MAN2C1: variants seen among roughly 807,000 people sequenced by gnomAD.
MAN2C1 encodes the protein mannosidase alpha class 2C member 1, also known as alpha-mannosidase 2C1.
Under a neutral mutation model 126.9 loss-of-function variants are expected in MAN2C1, and 111 were observed. The ratio of observed to expected loss-of-function variants is 0.87; its 90% CI spans 0.75 to 1.02. The LOEUF is 1.02. MAN2C1 is among the 50% of genes least tolerant of loss of function. MAN2C1 has a pLI of 0.00. For synonymous variants in MAN2C1, 567 were observed against 561.5 expected (o/e 1.01, Z -0.14); for missense variants, 1,363 against 1,364.4 (o/e 1.00, Z 0.02).
Position 75,356,306 on chromosome 15 carries a change from T to C in MAN2C1, c.2881A>G (p.Lys961Glu), listed in dbSNP as rs894930551. Residue 961 changes from lysine (K) to glutamate (E), a missense_variant, in exon 24 of 26, where the codon AAG becomes GAG. Lys to Glu is a moderately conservative substitution (Grantham distance 56, BLOSUM62 1). Transcript: ENST00000267978. This position sits in a 1 kb window ranked among gnomAD's most constrained non-coding sequence, Gnocchi z 5.8. ...CAGCACGTCCCACCCCTTGCCTGCT[T>C]GACGGTCTCCAATACGACCGCGGGT... ...SSPAVVLETV[K>E]QAESSPQRRS... 6.2e-7 allele frequency: 1 copy of C among 1,610,858 alleles called. No individual in the cohort carries two copies.
intron 4 of MAN2C1, 112 bp from the exon 5 acceptor site, chr15:75,364,777 G>A: frequency 3.3e-6 from 3 of 917,690 alleles, no homozygotes; most frequent in Non-Finnish European, 4.7e-6. Flanking sequence ...CTGCTTCCAG[G>A]ATCCACTACC....
At chr15:75,360,863 A>G in intron 12 of MAN2C1, 175 bp from the exon 13 acceptor site, 1 of 1,136,888 alleles carries the variant, frequency 8.8e-7, no homozygotes, top group Non-Finnish European at 1.2e-6. Context: ...GATGGGCTGG[A>G]GCCCTTACCA....
chr15:75,358,669 ACCT>A (rs1482248966), intron 19 of MAN2C1, 32 bp downstream of exon 19: 1 of 1,289,798 alleles, frequency 7.8e-7, no homozygotes, highest in South Asian at 1.2e-5. Context: ...TGTTCCCACC[ACCT>A]CCACCATCCC....
In MAN2C1 at chr15:75,355,940, G is replaced by T. The variant is rs1006270685; in HGVS notation, c.3089C>A (p.Ser1030Tyr). The change falls in exon 26 of 26, where the codon TCC becomes TAC. Residue 1030 changes from serine (S) to tyrosine (Y), a missense_variant. By Grantham distance (144) the Ser-to-Tyr change is moderately radical. Transcript: ENST00000267978. Reference protein sequence around the residue: ...KLTFSPFQVLSLLLVLQPPPH With the variant: ...KLTFSPFQVLYLLLVLQPPPH ...CGGAGGCTGAAGCACGAGCAACAGG[G>T]ACAGCACTTGGAAGGGAGAAAAGGT... 12 of 1,614,222 alleles carry T rather than the reference G, an allele frequency of 7.4e-6. 1 individual carries two copies. Among genetic ancestry groups the T allele is most frequent in the Non-Finnish European group, 1.0e-5 (12 of 1,180,036 alleles).
chr15:75,367,875 G>A lies in MAN2C1; in HGVS notation c.227+198C>T, dbSNP rs941999431. 8 of 902,876 alleles carry A rather than the reference G, an allele frequency of 8.9e-6. No individual in the cohort carries two copies. In the Admixed American group the frequency reaches 1.8e-4, roughly 20 times the overall value. The allele number at this position is 902,876 out of a possible 1,614,324, so 55.9% of individuals were successfully genotyped here. On this transcript the variant is annotated intron_variant, in intron 2 of 25. Transcript: ENST00000267978. Reference sequence around the variant, plus strand: ...CTAAGGGATGTCCAGAGGCGGCCACGTGGGAATGAAAACCATCCCCTGAAG... The same window carrying A: ...CTAAGGGATGTCCAGAGGCGGCCACATGGGAATGAAAACCATCCCCTGAAG...
Position 75,362,571 on chromosome 15 carries a change from A to G in MAN2C1, c.897+71T>C. ...AGCAGCCCTGACCCCAGGCCTGGGAAGCCTTCAGGGCCTGTGGAGCTCCAG... is the reference window on the plus strand; with the variant it reads ...AGCAGCCCTGACCCCAGGCCTGGGAGGCCTTCAGGGCCTGTGGAGCTCCAG... On this transcript the variant is annotated intron_variant, in intron 7 of 25. Transcript: ENST00000267978. This position sits in a 1 kb window ranked among gnomAD's most constrained non-coding sequence, Gnocchi z 4.5. 6.5e-7 allele frequency: 1 copy of G among 1,549,090 alleles called. No homozygotes were observed. Among genetic ancestry groups the G allele is most frequent in the Non-Finnish European group, 8.9e-7 (1 of 1,127,870 alleles).
rs758289208 is a variant in MAN2C1, at chr15:75,356,889, C to T, written c.2561G>A (p.Arg854His). The T allele has an allele frequency of 1.1e-5, 17 of 1,613,898 alleles. No individual in the cohort carries two copies. In the Admixed American group the frequency reaches 1.2e-4, roughly 11 times the overall value. The change falls in exon 22 of 26, where the codon CGC becomes CAC. Residue 854 changes from arginine (R) to histidine (H), a missense_variant. Physicochemically the swap from Arg to His is conservative, Grantham distance 29. Around this residue, in one of 3 missense-constraint regions of MAN2C1, gnomAD observed 668 missense variants for 650.1 expected, o/e 1.03. Transcript: ENST00000267978. The surrounding 1 kb of genome is among the most constrained non-coding windows in gnomAD (Gnocchi z 5.8). Reference protein sequence around the residue: ...DWARFEVWAHRWMDLSEHGFG... With the variant: ...DWARFEVWAHHWMDLSEHGFG... ...GCCGTGTTCTGACAGATCCATCCAG[C>T]GATGGGCCCACACCTGGAGGGCAGA...
At chr15:75,365,413 A>G (rs1389427852) in intron 4 of MAN2C1, among the ~76,000 whole-genome samples, 1 of 152,134 alleles carries the variant, frequency 6.6e-6, no homozygotes, top group Non-Finnish European at 1.5e-5. Context: ...TCAGGATACA[A>G]TCTTAACTAG....
chr15:75,364,312 C>G, intron 5 of MAN2C1, 124 bp from the exon 6 acceptor site: 4 of 1,265,962 alleles, frequency 3.2e-6, no homozygotes, highest in Non-Finnish European at 4.3e-6. Flanking sequence ...GCTGGTCCCC[C>G]TGCTCAGCAC....
Position 75,362,598 on chromosome 15 carries a change from G to A in MAN2C1, c.897+44C>T. The A allele has an allele frequency of 6.3e-7, 1 of 1,598,396 alleles. No homozygotes were observed. Among genetic ancestry groups the A allele is most frequent in the Non-Finnish European group, 8.6e-7 (1 of 1,167,284 alleles). On this transcript the variant is annotated intron_variant, in intron 7 of 25. Transcript: ENST00000267978. The surrounding 1 kb of genome is among the most constrained non-coding windows in gnomAD (Gnocchi z 4.5). ...CCTTCAGGGCCTGTGGAGCTCCAGG[G>A]AGGGCCACGTGCTTCCCTCCTCCCT...
chr15:75,363,806 C>CAAAAA, intron 6 of MAN2C1, 193 bp downstream of exon 6: 2 of 518,756 alleles, frequency 3.9e-6, no homozygotes, highest in East Asian at 7.1e-5. Flanking sequence ...GACTCCGTCT[C>CAAAAA]AAAAAAAAAA....
chr15:75,358,944 T>C, intron 18 of MAN2C1, 115 bp downstream of exon 18: 1 of 1,492,500 alleles, frequency 6.7e-7, no homozygotes, highest in African/African-American at 1.4e-5. Context: ...CATGTGTGGG[T>C]TCCAGCCCAG....
chr15:75,361,483 C>A lies in MAN2C1; in HGVS notation c.1219-102G>T. 7.9e-7 allele frequency: 1 copy of A among 1,269,442 alleles called. No homozygotes were observed. The highest frequency in any genetic ancestry group is 2.3e-5 in the East Asian group (1 of 43,198). 78.6% of individuals were successfully genotyped at this position (1,269,442 alleles called of 1,614,324 possible). ...TCCTGCCCCTGCCTGCTATGTGACC[C>A]TGGCAGAGGCAGAGTGAGGGTTTGG... On this transcript the variant is annotated intron_variant, in intron 10 of 25. Coordinates refer to ENST00000267978, the MANE Select transcript of MAN2C1 (RefSeq NM_006715.4). This position sits in a 1 kb window ranked among gnomAD's most constrained non-coding sequence, Gnocchi z 5.0.
intron 5 of MAN2C1, 89 bp from the exon 6 acceptor site, chr15:75,364,277 C>A: frequency 7.1e-7 from 1 of 1,403,204 alleles, no homozygotes; most frequent in Non-Finnish European, 9.5e-7. Context: ...AGCAGAGCTC[C>A]CCTGACCCCC....
At position 75,361,607 on chromosome 15, in the gene MAN2C1, G is replaced by A. The variant is rs748260093; in HGVS notation, c.1215C>T (p.Phe405=). Residue 405 remains phenylalanine (F), a synonymous_variant, in exon 10 of 26, where the codon TTC becomes TTT. Coordinates refer to ENST00000267978, the MANE Select transcript of MAN2C1 (RefSeq NM_006715.4). This position sits in a 1 kb window ranked among gnomAD's most constrained non-coding sequence, Gnocchi z 5.0. ...QKLSWNLVNS[F]PHHTFFWEGL... ...GACCCCCCGGGGGCCTGCTTACTGG[G>A]AAGGAGTTCACCAAATTCCAGCTCA... 4 of 1,612,984 alleles carry A rather than the reference G, an allele frequency of 2.5e-6. No individual in the cohort carries two copies. Among genetic ancestry groups the A allele is most frequent in the Non-Finnish European group, 3.4e-6 (4 of 1,179,122 alleles).
At position 75,366,555 on chromosome 15, in the gene MAN2C1, A is replaced by G. The variant is rs1259469171; in HGVS notation, c.389T>C (p.Leu130Pro). The stretch of plus-strand genomic sequence containing the variant: ...GTCTCTTTCCCCCAGCCTGTCAGTC[A>G]GGACATAGCTGGTCTTCTCACCCTC... ...TKEGEKTSYV[L>P]TDRLGERDPR... Residue 130 changes from leucine (L) to proline (P), a missense_variant, in exon 4 of 26, where the codon CTG becomes CCG. Coordinates refer to ENST00000267978, the MANE Select transcript of MAN2C1 (RefSeq NM_006715.4). The G allele has an allele frequency of 3.7e-6, 6 of 1,613,490 alleles. No individual in the cohort carries two copies. The highest frequency in any genetic ancestry group is 1.3e-5 in the African/African-American group (1 of 74,932).
intron 6 of MAN2C1, chr15:75,363,359 TCCC>T (rs1310554492): frequency 4.4e-6 from 2 of 455,526 alleles, no homozygotes; most frequent in Admixed American, 2.4e-5. Context: ...CTCTCTGGAA[TCCC>T]CCAACCCAGC....
Position 75,368,551 on chromosome 15 carries a change from G to T in MAN2C1, c.33C>A (p.Arg11=). MAAAPALKHW[R]TTLERVEKFV... is the part of the protein sequence containing the mutation. ...ACTTCTCCACCCGCTCCAGCGTGGT[G>T]CGCCAGTGCTTCAAGGCCGGCGCAG... is the stretch of plus-strand genomic sequence containing the variant. The change falls in exon 1 of 26, where the codon CGC becomes CGA. Residue 11 remains arginine (R), a synonymous_variant. Transcript: ENST00000267978. The T allele has an allele frequency of 1.3e-6, 2 of 1,552,566 alleles. No individual in the cohort carries two copies. The highest frequency in any genetic ancestry group is 1.7e-6 in the Non-Finnish European group (2 of 1,149,216).
chr15:75,367,508 C>G lies in MAN2C1; in HGVS notation c.351+3G>C, dbSNP rs1218914016. On this transcript the variant is annotated splice_donor_region_variant and intron_variant, in intron 3 of 25. Coordinates refer to ENST00000267978, the MANE Select transcript of MAN2C1 (RefSeq NM_006715.4). Reference sequence around the variant, plus strand: ...TACCTGGCCCTAGGACAGGGTTCCTCACCTGGACAGGTTCTCCATCACGCC... The same window carrying G: ...TACCTGGCCCTAGGACAGGGTTCCTGACCTGGACAGGTTCTCCATCACGCC... 6.2e-7 allele frequency: 1 copy of G among 1,613,636 alleles called. No individual in the cohort carries two copies. Among genetic ancestry groups the G allele is most frequent in the Non-Finnish European group, 8.5e-7 (1 of 1,179,774 alleles).
Sources: gnomAD v4.1 joint callset for allele counts (sites outside exome capture counted in the v4.1 genomes callset) on GRCh38, gnomAD v4.1.1 for gene constraint, gnomAD v4.1.1 regional missense constraint, Gnocchi (gnomAD v3.1) non-coding constraint, MANE v1.5 for transcripts, NCBI Gene and HGNC (gene_info 2026-07-23, HGNC 2026-07-21) for gene names.